Variants in LHFPL4 observed in about 807,000 individuals in gnomAD.
The protein encoded by LHFPL4 is LHFPL tetraspan subfamily member 4 protein.
A neutral mutation model predicts 20.0 loss-of-function variants in LHFPL4; 6 were observed. The ratio of observed to expected loss-of-function variants is 0.30; its 90% CI spans 0.16 to 0.59. The LOEUF (loss-of-function observed/expected upper bound fraction) is 0.59, where lower values mean the gene tolerates loss of function less well. Ranked by LOEUF, LHFPL4 falls within the 20% of genes least tolerant of loss-of-function variation. The pLI, the probability that LHFPL4 is intolerant of heterozygous loss-of-function variation, is 0.88. For missense variants in LHFPL4, 215 were observed against 331.2 expected (o/e 0.65, Z 2.72); for synonymous variants, 129 against 143.8 (o/e 0.90, Z 0.74).
At chr3:9,511,333 A>G (rs2046259689) in intron 2 of LHFPL4, among the ~76,000 whole-genome samples, 1 of 151,484 alleles carries the variant, frequency 6.6e-6, no homozygotes. Flanking sequence ...CCTGGGCGAC[A>G]GAGCTAGACT....
chr3:9,515,798 C>A (rs1436025802), intron 2 of LHFPL4, among the ~76,000 whole-genome samples: 1 of 151,674 alleles, frequency 6.6e-6, no homozygotes, highest in Non-Finnish European at 1.5e-5. Context: ...TCACTGCAAC[C>A]TCTACCTCCT....
At chr3:9,529,704 G>A (rs1415381747) in intron 2 of LHFPL4, among the ~76,000 whole-genome samples, 5 of 151,818 alleles carry the variant, frequency 3.3e-5, no homozygotes, top group South Asian at 2.1e-4. Flanking sequence ...GCGTGATCTC[G>A]GCTTACTGCA....
chr3:9,516,508 C>G (rs564770322), intron 2 of LHFPL4, among the ~76,000 whole-genome samples: 3 of 151,834 alleles, frequency 2.0e-5, no homozygotes, highest in East Asian at 3.9e-4. Context: ...GAGTCTCACT[C>G]TGTTGCCCAG....
intron 2 of LHFPL4, among the ~76,000 whole-genome samples, chr3:9,512,132 A>C (rs1289550212): frequency 2.0e-5 from 3 of 152,080 alleles, no homozygotes; most frequent in African/African-American, 7.2e-5. Context: ...CGGGGTTTCA[A>C]GTGTTAGCCA....
intron 2 of LHFPL4, chr3:9,550,562 A>G (rs1559525241): frequency 6.6e-6 from 1 of 152,216 alleles, no homozygotes; most frequent in East Asian, 1.9e-4. Context: ...CCAGGATTAA[A>G]CCCACACAGA....
chr3:9,548,400 C>G (rs1000110960), intron 2 of LHFPL4, among the ~76,000 whole-genome samples: 4 of 152,106 alleles, frequency 2.6e-5, no homozygotes, highest in Admixed American at 6.6e-5. Context: ...ATAATTCCTT[C>G]CTCTCCTCTC....
rs1351837027 is a variant in LHFPL4, at chr3:9,506,363, GGCAGGGAAAAGAGAGAGAGAAAGAGGTC to G, written c.407-188_407-161del. On this transcript the variant is annotated intron_variant, in intron 2 of 3. Transcript: ENST00000287585. This position sits in a 1 kb window ranked among gnomAD's most constrained non-coding sequence, Gnocchi z 4.5. ...CACAGAGGGAGAAAGAGAGGGCAGG[GGCAGGGAAAAGAGAGAGAGAAAGAGGTC>G]TACGATGGGTAGCAGAAACTTTCTG... 6.6e-6 allele frequency among the ~76,000 whole-genome samples: 1 copy of G among 152,104 alleles called. No individual in the cohort carries two copies. The highest frequency in any genetic ancestry group is 3.2e-3 in the Middle Eastern group (1 of 316).
At chr3:9,517,803 T>G (rs2046313468) in intron 2 of LHFPL4, among the ~76,000 whole-genome samples, 1 of 134,788 alleles carries the variant, frequency 7.4e-6, no homozygotes, top group Non-Finnish European at 1.7e-5. Context: ...GTTTTTTTGT[T>G]TTTTGTTTTT....
At chr3:9,509,715 C>T (rs535371828) in intron 2 of LHFPL4, among the ~76,000 whole-genome samples, 1 of 152,282 alleles carries the variant, frequency 6.6e-6, no homozygotes, top group South Asian at 2.1e-4. Flanking sequence ...GAGGCCACTC[C>T]GGGAATGGGA....
chr3:9,514,239 C>G (rs57360581), intron 2 of LHFPL4, among the ~76,000 whole-genome samples: 23,263 of 151,980 alleles, frequency 0.15, 2,847 homozygotes, highest in East Asian at 0.39. Flanking sequence ...CCCAGAAGTT[C>G]AAGACCAGCA....
rs1195504817 is a variant in LHFPL4 at position 9,503,962 on chromosome 3, G to C, written c.644-1651C>G. Among the ~76,000 whole-genome samples, 4 of 152,228 alleles carry C rather than the reference G, an allele frequency of 2.6e-5. No homozygotes were observed. The East Asian group carries it at 7.7e-4, about 29-fold the overall frequency. On this transcript the variant is annotated intron_variant, in intron 3 of 3. Transcript: ENST00000287585. ...AATCGCTTAAGCCCAGGAGTTTGAG[G>C]CTGCAGTGAGCTATGATTGCACCAC... is the stretch of plus-strand genomic sequence containing the variant.
chr3:9,516,774 A>G (rs1190245505), intron 2 of LHFPL4, among the ~76,000 whole-genome samples: 1 of 138,068 alleles, frequency 7.2e-6, no homozygotes, highest in Non-Finnish European at 1.5e-5. Context: ...GCGCCCAGCC[A>G]CACAATCTTT....
At position 9,506,133 on chromosome 3, in the gene LHFPL4, A is replaced by C. The variant is rs1183053321; in HGVS notation, c.477T>G (p.Cys159Trp). Reference sequence around the variant, plus strand: ...GGGAGTACTTCCCCGTCTTGGCCCCACACATGTCCCGGATGGTCTCGGCAT... The same window carrying C: ...GGGAGTACTTCCCCGTCTTGGCCCCCCACATGTCCCGGATGGTCTCGGCAT... ...GWDAETIRDMCGAKTGKYSLG... is the reference protein window; with the variant it reads ...GWDAETIRDMWGAKTGKYSLG... The change falls in exon 3 of 4, where the codon TGT becomes TGG. Residue 159 changes from cysteine (C) to tryptophan (W), a missense_variant. By Grantham distance (215) the Cys-to-Trp change is radical. Transcript: ENST00000287585. The surrounding 1 kb of genome is among the most constrained non-coding windows in gnomAD (Gnocchi z 4.5). The C allele has an allele frequency of 6.2e-7, 1 of 1,614,098 alleles. No individual in the cohort carries two copies. The highest frequency in any genetic ancestry group is 8.5e-7 in the Non-Finnish European group (1 of 1,180,014).
At chr3:9,508,521 C>G (rs961918669) in intron 2 of LHFPL4, among the ~76,000 whole-genome samples, 1 of 152,148 alleles carries the variant, frequency 6.6e-6, no homozygotes, top group African/African-American at 2.4e-5. Flanking sequence ...AGGGGAAAAC[C>G]GGGGCTAGAC....
intron 2 of LHFPL4, among the ~76,000 whole-genome samples, chr3:9,524,087 TTTGTTTTTTG>T (rs1296577114): frequency 6.6e-5 from 10 of 151,252 alleles, no homozygotes; most frequent in Admixed American, 2.0e-4. Flanking sequence ...AGGTAAGATG[TTTGTTTTTTG>T]TTGTTTTTTG....
intron 2 of LHFPL4, among the ~76,000 whole-genome samples, chr3:9,523,122 G>A (rs1313233259): frequency 1.4e-5 from 2 of 144,134 alleles, no homozygotes; most frequent in East Asian, 2.2e-4. Flanking sequence ...AAGCAAGCAA[G>A]CAAGCAAGCA....
chr3:9,506,019 C>T lies in LHFPL4; in HGVS notation c.591G>A (p.Leu197=). Residue 197 remains leucine, a synonymous_variant, in exon 3 of 4, where the codon CTG becomes CTA. Transcript: ENST00000287585. This position sits in a 1 kb window ranked among gnomAD's most constrained non-coding sequence, Gnocchi z 4.5. ...GCAGCAGGTCTGTTTGCCGGTTGCC[C>T]AGCACGAAGGCGAGGAAGGAGAGGA... is the stretch of plus-strand genomic sequence containing the variant. ...ALILSFLAFV[L]GNRQTDLLQE... 6.2e-7 allele frequency: 1 copy of T among 1,614,194 alleles called. No individual in the cohort carries two copies. Among genetic ancestry groups the T allele is most frequent in the East Asian group, 2.2e-5 (1 of 44,880 alleles).
chr3:9,552,150 A>C, intron 2 of LHFPL4, 124 bp downstream of exon 2: 5 of 1,139,966 alleles, frequency 4.4e-6, no homozygotes, highest in South Asian at 1.6e-5. Flanking sequence ...TCCGTCAGCC[A>C]AAGAGGTGAG....
At chr3:9,509,239 G>GCCCCCC (rs1470517081) in intron 2 of LHFPL4, among the ~76,000 whole-genome samples, 1 of 74,824 alleles carries the variant, frequency 1.3e-5, no homozygotes, top group East Asian at 7.5e-4. Flanking sequence ...ATCTTTCTTC[G>GCCCCCC]CACCCCCCTC....
Sources: allele counts gnomAD v4.1 joint callset (sites outside exome capture counted in the v4.1 genomes callset), GRCh38; gene constraint gnomAD v4.1.1; non-coding constraint Gnocchi (gnomAD v3.1); transcripts MANE v1.5; gene names NCBI Gene and HGNC (gene_info 2026-07-23, HGNC 2026-07-21).